DMKN: variants seen among roughly 807,000 people sequenced by gnomAD.
DMKN encodes dermokine, also known as epidermis-specific secreted protein SK30/SK89.
In DMKN, 58 loss-of-function variants were observed where a neutral mutation model predicts 67.6. The ratio of observed to expected loss-of-function variants is 0.86; its 90% CI spans 0.69 to 1.07. DMKN has a LOEUF of 1.07. DMKN is among the 50% of genes least tolerant of loss of function. The probability of loss-of-function intolerance (pLI) is 0.00; values close to 1 mark genes in which losing one functional copy is unlikely to be tolerated. For missense variants in DMKN, 596 were observed against 601.5 expected (o/e 0.99, Z 0.10); for synonymous variants, 240 against 232.3 (o/e 1.03, Z -0.30).
Position 35,509,969 on chromosome 19 carries a change from G to A in DMKN, c.988-8C>T, listed in dbSNP as rs752563964. ...ATTCCCTGGCTTTTCACACTGCCGG[G>A]GAGAGAAAGGGGAGACTTTCCCTCA... On this transcript the variant is annotated splice_region_variant and splice_polypyrimidine_tract_variant and intron_variant, in intron 6 of 15. Coordinates refer to ENST00000339686, the MANE Select transcript of DMKN (RefSeq NM_033317.5). The A allele has an allele frequency of 3.7e-6, 6 of 1,614,074 alleles. No individual in the cohort carries two copies. Among genetic ancestry groups the A allele is most frequent in the South Asian group, 1.1e-5 (1 of 91,080 alleles).
intron 9 of DMKN, chr19:35,503,503 T>C: frequency 6.5e-7 from 1 of 1,528,392 alleles, no homozygotes. Context: ...TGAGATGGAG[T>C]CTCGCTCTGT....
At chr19:35,507,709 G>T (rs2069854874) in intron 7 of DMKN, 4 of 563,866 alleles carry the variant, frequency 7.1e-6, no homozygotes, top group Non-Finnish European at 6.4e-6. Context: ...CTCGTTTCAA[G>T]CTCCTGTGGG....
rs200194624 is a variant in DMKN at position 35,513,089 on chromosome 19, G to A, written c.387C>T (p.Arg129=). ...DVIRHGADAV[R]GSWQGVPGHN... ...GGCCAGGCACCCCCTGCCAGGAGCC[G>A]CGGACAGCATCTGCTCCGTGTCGAA... The change falls in exon 1 of 16, where the codon CGC becomes CGT. Residue 129 remains arginine, a synonymous_variant. Coordinates refer to ENST00000339686, the MANE Select transcript of DMKN (RefSeq NM_033317.5). The A allele has an allele frequency of 2.9e-5, 47 of 1,613,954 alleles. No homozygotes were observed. The highest frequency in any genetic ancestry group is 2.0e-4 in the African/African-American group (15 of 75,024).
intron 15 of DMKN, 134 bp from the exon 16 acceptor site, chr19:35,497,672 T>C (rs1320241382): frequency 6.6e-6 from 1 of 152,338 alleles, no homozygotes; most frequent in East Asian, 1.9e-4. Flanking sequence ...GCCCCTCACT[T>C]TTGCTCCGCC....
intron 6 of DMKN, 85 bp downstream of exon 6, chr19:35,510,099 C>G (rs2070442850): frequency 6.4e-7 from 1 of 1,564,102 alleles, no homozygotes; most frequent in Admixed American, 1.8e-5. Context: ...CTCCGCGGAG[C>G]CTTGGCTCCC....
intron 10 of DMKN, 67 bp from the exon 11 acceptor site, chr19:35,502,250 T>C (rs764339906): frequency 7.3e-6 from 11 of 1,513,726 alleles, no homozygotes; most frequent in South Asian, 3.4e-5. Flanking sequence ...ATGCAGCAAA[T>C]TGGGGGGATT....
At chr19:35,510,677 G>T (rs1447893497) in intron 5 of DMKN, among the ~76,000 whole-genome samples, 3 of 152,190 alleles carry the variant, frequency 2.0e-5, no homozygotes, top group Non-Finnish European at 2.9e-5. Context: ...GGGGAGCGGC[G>T]CATGAGAGCA....
chr19:35,506,203 G>T (rs765703449), intron 7 of DMKN: 1 of 1,493,950 alleles, frequency 6.7e-7, no homozygotes, highest in Non-Finnish European at 8.9e-7. Context: ...GGGAAAAGGG[G>T]GACCGATGTC....
intron 7 of DMKN, among the ~76,000 whole-genome samples, chr19:35,509,017 G>C (rs1428990357): frequency 6.6e-6 from 1 of 152,090 alleles, no homozygotes; most frequent in African/African-American, 2.4e-5. Context: ...AGGAGTTTGA[G>C]ACCAGCCTGG....
At chr19:35,511,296 C>T in intron 5 of DMKN, 115 bp downstream of exon 5, 2 of 1,546,776 alleles carry the variant, frequency 1.3e-6, no homozygotes, top group South Asian at 1.2e-5. Flanking sequence ...CGACTATCAG[C>T]GAGGCCGCCC....
intron 7 of DMKN, chr19:35,508,434 TG>T: frequency 1.7e-6 from 1 of 590,422 alleles, no homozygotes; most frequent in Non-Finnish European, 2.9e-6. Flanking sequence ...AAAAGATAAA[TG>T]GTAAGTGAAG....
At chr19:35,498,353 T>C (rs1256421578) in intron 15 of DMKN, 1 of 229,846 alleles carries the variant, frequency 4.4e-6, no homozygotes, top group Non-Finnish European at 8.5e-6. Context: ...CAGGCTGGAA[T>C]GGTTTGTTTT....
chr19:35,498,776 G>T lies in DMKN; in HGVS notation c.1384-13C>A, dbSNP rs374185829. The T allele has an allele frequency of 2.5e-6, 4 of 1,614,100 alleles. No homozygotes were observed. In the Admixed American group the frequency reaches 6.7e-5, roughly 27 times the overall value. ...GCACCCGGGAAGCCTGCCAGAAAAA[G>T]AGAAAGTCTGAGTGGCCACCACAGG... is the stretch of plus-strand genomic sequence containing the variant. On this transcript the variant is annotated splice_polypyrimidine_tract_variant and intron_variant, in intron 14 of 15. Coordinates refer to ENST00000339686, the MANE Select transcript of DMKN (RefSeq NM_033317.5).
intron 13 of DMKN, 77 bp downstream of exon 13, chr19:35,499,881 C>T: frequency 6.5e-7 from 1 of 1,530,316 alleles, no homozygotes; most frequent in Non-Finnish European, 9.0e-7. Context: ...ACCGAGAGGA[C>T]CCCGGCAGTG....
chr19:35,507,436 C>A, intron 7 of DMKN: 2 of 1,549,070 alleles, frequency 1.3e-6, no homozygotes, highest in Non-Finnish European at 1.7e-6. Context: ...CTAAAGCCAA[C>A]CCTGCCTGCC....
At position 35,512,618 on chromosome 19, in the gene DMKN, C is replaced by T; in HGVS notation, c.599G>A (p.Gly200Glu). The T allele has an allele frequency of 1.2e-6, 2 of 1,614,074 alleles. No individual in the cohort carries two copies. Among genetic ancestry groups the T allele is most frequent in the Non-Finnish European group, 8.5e-7 (1 of 1,180,004 alleles). Residue 200 changes from glycine to glutamate, a missense_variant, in exon 2 of 16, where the codon GGG becomes GAG. Coordinates refer to ENST00000339686, the MANE Select transcript of DMKN (RefSeq NM_033317.5). ...AGTGTTGGTCCCAAAGTTTGGTGGC[C>T]CTCCATTGCCTCCTTGACCCCAGGG... Reference protein sequence around the residue: ...GAPWGQGGNGGPPNFGTNTQG... With the variant: ...GAPWGQGGNGEPPNFGTNTQG...
At chr19:35,507,538 T>A in intron 7 of DMKN, 1 of 1,549,058 alleles carries the variant, frequency 6.5e-7, no homozygotes, top group Non-Finnish European at 8.7e-7. Context: ...CGGAGAGGAG[T>A]TGATGGGGAG....
chr19:35,504,293 G>C (rs1302023349), intron 9 of DMKN, among the ~76,000 whole-genome samples: 1 of 152,076 alleles, frequency 6.6e-6, no homozygotes, highest in African/African-American at 2.4e-5. Flanking sequence ...GTGAAACAGA[G>C]AGGCCAGATG....
chr19:35,502,236 G>A, intron 10 of DMKN, 53 bp from the exon 11 acceptor site: 2 of 1,591,244 alleles, frequency 1.3e-6, no homozygotes, highest in Middle Eastern at 1.7e-4. Flanking sequence ...CCACGGGGTG[G>A]TCTATGCAGC....
Sources: gnomAD v4.1 joint callset for allele counts (sites outside exome capture counted in the v4.1 genomes callset) on GRCh38, gnomAD v4.1.1 for gene constraint, MANE v1.5 for transcripts, NCBI Gene and HGNC (gene_info 2026-07-23, HGNC 2026-07-21) for gene names.